The following KCNH1 variants were observed in gnomAD, a reference collection of about 807,000 sequenced individuals.
The protein encoded by KCNH1 is potassium voltage-gated channel subfamily H member 1.
In KCNH1, 27 loss-of-function variants were observed where a neutral mutation model predicts 69.2. The observed-to-expected ratio is 0.39, with a 90% CI of 0.29 to 0.54. The LOEUF (loss-of-function observed/expected upper bound fraction) is 0.54, where lower values mean the gene tolerates loss of function less well. Among genes scored for constraint, KCNH1 ranks in the 20% least tolerant of loss-of-function variants. The probability of loss-of-function intolerance (pLI) is 0.68; values close to 1 mark genes in which losing one functional copy is unlikely to be tolerated. For synonymous variants in KCNH1, 456 were observed against 487.7 expected (o/e 0.93, Z 0.86); for missense variants, 798 against 1,261.6 (o/e 0.63, Z 5.57).
chr1:210,706,130 A>G (rs1487914179), intron 10 of KCNH1, among the ~76,000 whole-genome samples: 3 of 151,920 alleles, frequency 2.0e-5, no homozygotes, highest in Non-Finnish European at 2.9e-5. Context: ...AAACCTCGTC[A>G]CTAGTTTAAT....
At chr1:210,821,311 A>T (rs1280394491) in intron 7 of KCNH1, among the ~76,000 whole-genome samples, 1 of 152,214 alleles carries the variant, frequency 6.6e-6, no homozygotes, top group Non-Finnish European at 1.5e-5. Flanking sequence ...AGCAAAGAGT[A>T]ATAATAAAAA....
intron 5 of KCNH1, among the ~76,000 whole-genome samples, chr1:211,028,589 A>T (rs1317728321): frequency 6.6e-6 from 1 of 152,124 alleles, no homozygotes; most frequent in Non-Finnish European, 1.5e-5. Context: ...AATTACCAGT[A>T]TTAAGAATGG....
chr1:211,006,658 T>C (rs977353726), intron 6 of KCNH1, among the ~76,000 whole-genome samples: 1 of 152,178 alleles, frequency 6.6e-6, no homozygotes, highest in Non-Finnish European at 1.5e-5. Context: ...TTAAAAAGCA[T>C]ATTTCTGTTT....
intron 5 of KCNH1, among the ~76,000 whole-genome samples, chr1:211,080,642 A>G (rs532714706): frequency 5.3e-5 from 8 of 152,236 alleles, no homozygotes; most frequent in Non-Finnish European, 1.2e-4. Context: ...GGAACAGAAC[A>G]GAGGCCTTAG....
chr1:210,729,404 T>TA (rs1462730335), intron 10 of KCNH1, among the ~76,000 whole-genome samples: 2 of 152,188 alleles, frequency 1.3e-5, no homozygotes, highest in Non-Finnish European at 1.5e-5. Context: ...TTTCAATACT[T>TA]ACGGCAATAA....
chr1:210,908,116 G>A (rs932957507), intron 7 of KCNH1, among the ~76,000 whole-genome samples: 4 of 152,178 alleles, frequency 2.6e-5, no homozygotes, highest in African/African-American at 9.7e-5. Context: ...ATGAGTGCAA[G>A]GTTCTTCTTA....
chr1:210,754,969 T>C (rs1683364929), intron 10 of KCNH1, among the ~76,000 whole-genome samples: 1 of 151,696 alleles, frequency 6.6e-6, no homozygotes, highest in Non-Finnish European at 1.5e-5. Flanking sequence ...CTTCCAGCCA[T>C]GGGTGTGGGA....
chr1:210,765,937 C>T (rs543508411), intron 10 of KCNH1, among the ~76,000 whole-genome samples: 68 of 152,084 alleles, frequency 4.5e-4, no homozygotes, highest in Admixed American at 3.9e-3. Flanking sequence ...GTGGCAGGCA[C>T]CTGTAATCCC....
intron 5 of KCNH1, among the ~76,000 whole-genome samples, chr1:211,053,519 C>T (rs1275827094): frequency 6.6e-6 from 1 of 152,138 alleles, no homozygotes; most frequent in East Asian, 1.9e-4. Context: ...ATCTCTATTC[C>T]ATATCTCAAA....
Position 210,684,023 on chromosome 1 carries a change from C to A in KCNH1, c.2228G>T (p.Arg743Ile). The A allele has an allele frequency of 6.3e-7, 1 of 1,590,126 alleles. No homozygotes were observed. Among genetic ancestry groups the A allele is most frequent in the Non-Finnish European group, 8.6e-7 (1 of 1,164,050 alleles). Residue 743 changes from arginine (R) to isoleucine (I), a missense_variant, in exon 11 of 11, where the codon AGA becomes ATA. By Grantham distance (97) the Arg-to-Ile change is moderately conservative. This residue lies in a region of KCNH1 where 331 missense variants were observed against 363.2 expected (regional missense o/e 0.91). Transcript: ENST00000271751. ...PDHPVRRLFQRFRQQKEARLA... is the reference protein window; with the variant it reads ...PDHPVRRLFQIFRQQKEARLA... ...CCTGGCCTCTTTCTGCTGTCGGAAT[C>A]TCTGGAAGAGGCGCCGGACAGGGTG...
chr1:211,110,105 G>C lies in KCNH1; in HGVS notation c.80-2728C>G, dbSNP rs145301146. 3.1e-4 allele frequency among the ~76,000 whole-genome samples: 47 copies of C among 151,480 alleles called. 2 individuals carry two copies. In the East Asian group the frequency reaches 9.1e-3, roughly 29 times the overall value. The stretch of plus-strand genomic sequence containing the variant: ...AGGAACAGCAAAAAGAACAACATGA[G>C]AAAAGGCCAGAGGACATTCTCTTTA... On this transcript the variant is annotated intron_variant, in intron 1 of 10. Transcript: ENST00000271751.
rs142691190 is a variant in KCNH1, at chr1:211,067,225, A to G, written c.558+15555T>C. Reference sequence around the variant, plus strand: ...AGACTTTCCTCCTTATAAGGGCACCAGGAGTTACAGCAGCAAAAATCTCAG... The same window carrying G: ...AGACTTTCCTCCTTATAAGGGCACCGGGAGTTACAGCAGCAAAAATCTCAG... On this transcript the variant is annotated intron_variant, in intron 5 of 10. Transcript: ENST00000271751. 9.3e-4 allele frequency among the ~76,000 whole-genome samples: 142 copies of G among 152,338 alleles called. 1 individual carries two copies. The highest frequency in any genetic ancestry group is 3.2e-3 in the African/African-American group (135 of 41,582).
chr1:210,827,620 G>T (rs1685059877), intron 7 of KCNH1, among the ~76,000 whole-genome samples: 1 of 152,166 alleles, frequency 6.6e-6, no homozygotes, highest in Non-Finnish European at 1.5e-5. Context: ...GGCAGAGGAA[G>T]GATCATTCCC....
At chr1:211,008,257 C>T (rs1281798318) in intron 6 of KCNH1, among the ~76,000 whole-genome samples, 2 of 152,146 alleles carry the variant, frequency 1.3e-5, no homozygotes. Flanking sequence ...CATGAATAAA[C>T]CTTGATGACA....
intron 6 of KCNH1, among the ~76,000 whole-genome samples, chr1:210,964,209 AT>A (rs1179666550): frequency 3.3e-5 from 5 of 152,204 alleles, no homozygotes; most frequent in Non-Finnish European, 5.9e-5. Context: ...GGAAGGAGGA[AT>A]AAAATCCTTT....
rs373079846 is a variant in KCNH1 at position 210,716,926 on chromosome 1, T to C, written c.2113-32788A>G. 2.2e-3 allele frequency among the ~76,000 whole-genome samples: 339 copies of C among 152,250 alleles called. 2 individuals carry two copies. The highest frequency in any genetic ancestry group is 7.9e-3 in the African/African-American group (328 of 41,554). ...AACAATAATCATCAAAACAAACCCA[T>C]GTGTGACCCTCTGTGGGCCCTGGAA... On this transcript the variant is annotated intron_variant, in intron 10 of 10. Coordinates refer to ENST00000271751, the MANE Select transcript of KCNH1 (RefSeq NM_172362.3).
At position 210,733,648 on chromosome 1, in the gene KCNH1, G is replaced by A. The variant is rs148497211; in HGVS notation, c.2112+41700C>T. ...ACACTCATGAGATTTTTACTTTGTT[G>A]GCTAAGAGGAAGACCTCATGTGACT... On this transcript the variant is annotated intron_variant, in intron 10 of 10. Transcript: ENST00000271751. 6.2e-4 allele frequency among the ~76,000 whole-genome samples: 94 copies of A among 152,280 alleles called. 3 individuals carry two copies. In the East Asian group the frequency reaches 0.016, roughly 25 times the overall value.
At chr1:210,777,955 T>G (rs1363049285) in intron 9 of KCNH1, among the ~76,000 whole-genome samples, 2 of 152,206 alleles carry the variant, frequency 1.3e-5, no homozygotes, top group Non-Finnish European at 2.9e-5. Context: ...CCTGGATCAC[T>G]TAGAACACTC....
At chr1:210,856,604 C>T (rs1240293087) in intron 7 of KCNH1, among the ~76,000 whole-genome samples, 1 of 151,046 alleles carries the variant, frequency 6.6e-6, no homozygotes, top group East Asian at 2.0e-4. Flanking sequence ...CATTTTTACC[C>T]CAGAATTCTA....
Sources: gnomAD v4.1 joint callset for allele counts (sites outside exome capture counted in the v4.1 genomes callset) on GRCh38, gnomAD v4.1.1 for gene constraint, gnomAD v4.1.1 regional missense constraint, MANE v1.5 for transcripts, NCBI Gene and HGNC (gene_info 2026-07-23, HGNC 2026-07-21) for gene names.